The following BCAS3 variants were observed in gnomAD, a reference collection of about 807,000 sequenced individuals.
BCAS3 encodes the protein BCAS4/BCAS3 fusion.
BCAS3 carries 53 observed loss-of-function variants against 116.1 expected under a neutral mutation model. The ratio of observed to expected loss-of-function variants is 0.46; its 90% CI spans 0.37 to 0.57. BCAS3 has a LOEUF of 0.57. Ranked by LOEUF, BCAS3 falls within the 20% of genes least tolerant of loss-of-function variation. The pLI, the probability that BCAS3 is intolerant of heterozygous loss-of-function variation, is 0.00. For synonymous variants in BCAS3, 391 were observed against 408.2 expected (o/e 0.96, Z 0.51); for missense variants, 917 against 1,165.4 (o/e 0.79, Z 3.10).
intron 22 of BCAS3, among the ~76,000 whole-genome samples, chr17:61,160,891 C>T (rs191380121): frequency 6.6e-6 from 1 of 152,240 alleles, no homozygotes; most frequent in Non-Finnish European, 1.5e-5. Flanking sequence ...CTGGCAGCGA[C>T]AGATTAAAAT....
chr17:60,927,490 C>T (rs1323481192), intron 13 of BCAS3, among the ~76,000 whole-genome samples: 1 of 152,088 alleles, frequency 6.6e-6, no homozygotes, highest in Non-Finnish European at 1.5e-5. Flanking sequence ...CTGTTGACCT[C>T]GTGATCCACT....
intron 22 of BCAS3, among the ~76,000 whole-genome samples, chr17:61,277,262 CAAAAAAAA>C (rs58849968): frequency 9.8e-6 from 1 of 101,746 alleles, no homozygotes; most frequent in African/African-American, 3.6e-5. Flanking sequence ...GACCCTGTAT[CAAAAAAAA>C]AAAAAAAAAA....
At chr17:60,716,845 C>G (rs1163516119) in intron 5 of BCAS3, among the ~76,000 whole-genome samples, 2 of 152,118 alleles carry the variant, frequency 1.3e-5, no homozygotes, top group Non-Finnish European at 2.9e-5. Flanking sequence ...GTTATACTTA[C>G]CCCATATATT....
intron 22 of BCAS3, among the ~76,000 whole-genome samples, chr17:61,110,304 G>A (rs2074973413): frequency 6.6e-6 from 1 of 152,224 alleles, no homozygotes; most frequent in African/African-American, 2.4e-5. Context: ...CAGAAGATGG[G>A]TGATTTCTGC....
At chr17:60,930,387 A>C (rs1166783760) in intron 13 of BCAS3, among the ~76,000 whole-genome samples, 2 of 152,230 alleles carry the variant, frequency 1.3e-5, no homozygotes, top group Non-Finnish European at 2.9e-5. Flanking sequence ...AGCTGATCTT[A>C]CTCAAACCAG....
At chr17:60,918,894 C>T (rs2058922713) in intron 12 of BCAS3, among the ~76,000 whole-genome samples, 1 of 152,012 alleles carries the variant, frequency 6.6e-6, no homozygotes, top group African/African-American at 2.4e-5. Flanking sequence ...GGAGTTTCAC[C>T]ATGTTAGCCA....
chr17:61,023,133 G>C lies in BCAS3; in HGVS notation c.1637+7232G>C, dbSNP rs995334328. ...AAGTATAACTTAAAAATGATATTAG[G>C]AATAATTTACTGATATGCATGTGGG... On this transcript the variant is annotated intron_variant, in intron 16 of 23. Transcript: ENST00000407086. The surrounding 1 kb of genome is among the most constrained non-coding windows in gnomAD (Gnocchi z 4.8). Among the ~76,000 whole-genome samples, 17 of 152,128 alleles carry C rather than the reference G, an allele frequency of 1.1e-4. No individual in the cohort carries two copies. The highest frequency in any genetic ancestry group is 4.1e-4 in the African/African-American group (17 of 41,428).
chr17:60,850,781 C>A (rs983578756), intron 7 of BCAS3, among the ~76,000 whole-genome samples: 4 of 151,804 alleles, frequency 2.6e-5, no homozygotes, highest in African/African-American at 4.8e-5. Flanking sequence ...TTATTAGCAA[C>A]AAAGAATGAA....
At chr17:60,893,669 C>T (rs2057328174) in intron 10 of BCAS3, among the ~76,000 whole-genome samples, 1 of 129,262 alleles carries the variant, frequency 7.7e-6, no homozygotes, top group Non-Finnish European at 1.5e-5. Flanking sequence ...AGTGCAGTGG[C>T]GTAATCTCTG....
Position 61,181,659 on chromosome 17 carries a change from T to G in BCAS3, c.2425+97095T>G, listed in dbSNP as rs1217487692. On this transcript the variant is annotated intron_variant, in intron 22 of 23. Coordinates refer to ENST00000407086, the MANE Select transcript of BCAS3 (RefSeq NM_017679.5). The surrounding 1 kb of genome is among the most constrained non-coding windows in gnomAD (Gnocchi z 5.0). ...TGTAGTGAAGATATTTTGCTTCTGT[T>G]ACTCTGATCATCTACATATAGAGAT... Among the ~76,000 whole-genome samples, 2 of 152,216 alleles carry G rather than the reference T, an allele frequency of 1.3e-5. No individual in the cohort carries two copies. Among genetic ancestry groups the G allele is most frequent in the African/African-American group, 4.8e-5 (2 of 41,466 alleles).
At chr17:61,321,618 G>A (rs1403452163) in intron 22 of BCAS3, among the ~76,000 whole-genome samples, 1 of 152,158 alleles carries the variant, frequency 6.6e-6, no homozygotes, top group African/African-American at 2.4e-5. Flanking sequence ...TCACCCTCAG[G>A]GAACCTTGCT....
chr17:61,309,656 A>T lies in BCAS3; in HGVS notation c.2426-58671A>T, dbSNP rs1371925094. On this transcript the variant is annotated intron_variant, in intron 22 of 23. Coordinates refer to ENST00000407086, the MANE Select transcript of BCAS3 (RefSeq NM_017679.5). The surrounding 1 kb of genome is among the most constrained non-coding windows in gnomAD (Gnocchi z 4.6). Reference sequence around the variant, plus strand: ...GCGTGTTCTCCGTCCCAAGGAAAACACACACATCCAGAAGGCACTGTGAGC... The same window carrying T: ...GCGTGTTCTCCGTCCCAAGGAAAACTCACACATCCAGAAGGCACTGTGAGC... 4.6e-5 allele frequency among the ~76,000 whole-genome samples: 7 copies of T among 152,194 alleles called. No individual in the cohort carries two copies. Among genetic ancestry groups the T allele is most frequent in the Non-Finnish European group, 1.0e-4 (7 of 68,026 alleles).
intron 13 of BCAS3, among the ~76,000 whole-genome samples, chr17:60,946,098 A>C (rs1487803533): frequency 2.0e-5 from 3 of 152,074 alleles, no homozygotes; most frequent in African/African-American, 7.2e-5. Flanking sequence ...CCAGCCTGGG[A>C]GACAGCGAGA....
intron 22 of BCAS3, among the ~76,000 whole-genome samples, chr17:61,150,801 C>T (rs2077501072): frequency 6.6e-6 from 1 of 152,194 alleles, no homozygotes; most frequent in South Asian, 2.1e-4. Context: ...TCTAACTTAA[C>T]CCATCCTGAC....
chr17:60,886,434 T>G (rs2144978833), intron 9 of BCAS3: 1 of 152,316 alleles, frequency 6.6e-6, no homozygotes, highest in Non-Finnish European at 1.5e-5. Flanking sequence ...TGAAGCCTTC[T>G]TCTCTCAGCT....
intron 6 of BCAS3, among the ~76,000 whole-genome samples, chr17:60,756,787 G>A (rs2144322613): frequency 6.6e-6 from 1 of 152,186 alleles, no homozygotes; most frequent in South Asian, 2.1e-4. Context: ...CCAAGTAATG[G>A]GATTGCTGGA....
chr17:60,892,638 C>T (rs896847582), intron 10 of BCAS3, among the ~76,000 whole-genome samples: 5 of 147,808 alleles, frequency 3.4e-5, no homozygotes, highest in Admixed American at 1.4e-4. Context: ...TAGCCGTTTT[C>T]GGCCCGGCAT....
chr17:60,699,546 T>C (rs760948275), intron 4 of BCAS3, among the ~76,000 whole-genome samples: 1 of 152,166 alleles, frequency 6.6e-6, no homozygotes, highest in Non-Finnish European at 1.5e-5. Context: ...ATGTCAGGTG[T>C]AAAAATAATT....
chr17:61,372,478 T>TCCAGAAC (rs2059101059), intron 23 of BCAS3, among the ~76,000 whole-genome samples: 1 of 152,318 alleles, frequency 6.6e-6, no homozygotes, highest in African/African-American at 2.4e-5. Context: ...TCTCCTGATC[T>TCCAGAAC]CCAGAACCAT....
Sources: allele counts gnomAD v4.1 joint callset (sites outside exome capture counted in the v4.1 genomes callset), GRCh38; gene constraint gnomAD v4.1.1; non-coding constraint Gnocchi (gnomAD v3.1); transcripts MANE v1.5; gene names NCBI Gene and HGNC (gene_info 2026-07-23, HGNC 2026-07-21).